POLN: variants seen among roughly 807,000 people sequenced by gnomAD.
POLN encodes DNA polymerase nu, also known as DNA polymerase N.
Under a neutral mutation model 113.5 loss-of-function variants are expected in POLN, and 108 were observed. The observed-to-expected ratio is 0.95, with a 90% CI of 0.81 to 1.12. The LOEUF (loss-of-function observed/expected upper bound fraction) is 1.12. POLN is among the 50% of genes most tolerant of loss of function. The pLI, the probability that POLN is intolerant of heterozygous loss-of-function variation, is 0.00. For synonymous variants in POLN, 386 were observed against 391.5 expected (o/e 0.99, Z 0.17); for missense variants, 1,097 against 1,077.1 (o/e 1.02, Z -0.26).
At chr4:2,180,153 TTCTTCA>T (rs1323430618) in intron 7 of POLN, among the ~76,000 whole-genome samples, 2 of 152,234 alleles carry the variant, frequency 1.3e-5, no homozygotes, top group African/African-American at 2.4e-5. Flanking sequence ...CAGTGTTAGT[TTCTTCA>T]TCCAAAAACT....
intron 2 of POLN, among the ~76,000 whole-genome samples, chr4:2,233,881 T>C (rs898325113): frequency 1.3e-5 from 2 of 151,932 alleles, no homozygotes; most frequent in African/African-American, 4.8e-5. Context: ...GGTAGCATTA[T>C]AAACTCCTTT....
intron 16 of POLN, 136 bp downstream of exon 16, chr4:2,156,652 G>T (rs1483131923): frequency 2.2e-5 from 16 of 729,730 alleles, no homozygotes; most frequent in Non-Finnish European, 2.5e-6. Context: ...AGAATAAACA[G>T]AATAAAACAC....
chr4:2,176,125 T>C, intron 9 of POLN, 141 bp downstream of exon 9: 1 of 702,190 alleles, frequency 1.4e-6, no homozygotes. Context: ...AACCCTTTTC[T>C]GAGTAATGCA....
At chr4:2,155,238 G>A (rs778225613) in intron 16 of POLN, among the ~76,000 whole-genome samples, 1 of 152,234 alleles carries the variant, frequency 6.6e-6, no homozygotes, top group Non-Finnish European at 1.5e-5. Flanking sequence ...CCTGCATTCA[G>A]AGGAGATGGC....
chr4:2,223,173 G>A (rs1734302486), intron 3 of POLN, among the ~76,000 whole-genome samples: 1 of 152,154 alleles, frequency 6.6e-6, no homozygotes, highest in Admixed American at 6.6e-5. Context: ...CATAATTACA[G>A]TCATGCAGGG....
chr4:2,078,460 G>A, intron 23 of POLN: 1 of 656,064 alleles, frequency 1.5e-6, no homozygotes, highest in Non-Finnish European at 1.9e-6. Flanking sequence ...GTGGCCAGAT[G>A]AATCTTCTTC....
intron 20 of POLN, chr4:2,089,497 T>C (rs942882485): frequency 7.2e-7 from 1 of 1,386,398 alleles, no homozygotes; most frequent in South Asian, 1.3e-5. Flanking sequence ...GGATGGACTT[T>C]CACACTGGGA....
chr4:2,229,146 TGCATA>T lies in POLN; in HGVS notation c.81_85del (p.Met28PhefsTer3). ...CTTAGAATCCACTAAATCACCTGAA[TGCATA>T]GCAGACATAATCTTCTGAGCAACAC... On this transcript the variant is annotated frameshift_variant, in exon 3 of 26. Coordinates refer to ENST00000511885, the MANE Select transcript of POLN (RefSeq NM_181808.4). LOFTEE classifies it high-confidence loss of function. The T allele has an allele frequency of 6.2e-6, 10 of 1,611,262 alleles. No individual in the cohort carries two copies. Among genetic ancestry groups the T allele is most frequent in the Non-Finnish European group, 8.5e-6 (10 of 1,177,450 alleles).
chr4:2,148,658 C>T (rs1470995649), intron 16 of POLN, among the ~76,000 whole-genome samples: 4 of 87,484 alleles, frequency 4.6e-5, no homozygotes, highest in Non-Finnish European at 1.1e-4. Context: ...CAGAGCGAGA[C>T]TCTGTCCCCC....
intron 19 of POLN, among the ~76,000 whole-genome samples, chr4:2,113,730 T>C (rs933995828): frequency 1.3e-5 from 2 of 151,766 alleles, no homozygotes; most frequent in Non-Finnish European, 2.9e-5. Flanking sequence ...TGGTGGTACA[T>C]GCCTGTAATC....
intron 4 of POLN, among the ~76,000 whole-genome samples, chr4:2,211,938 C>T (rs1734002675): frequency 6.6e-6 from 1 of 152,124 alleles, no homozygotes; most frequent in Non-Finnish European, 1.5e-5. Flanking sequence ...AATTTCCATT[C>T]ATTTACAGAG....
intron 11 of POLN, among the ~76,000 whole-genome samples, chr4:2,172,300 T>A (rs921116840): frequency 1.4e-4 from 21 of 152,158 alleles, no homozygotes; most frequent in African/African-American, 5.1e-4. Flanking sequence ...GACCACAACA[T>A]CCTGGAAAAC....
chr4:2,105,353 T>G (rs1182164267), intron 19 of POLN, among the ~76,000 whole-genome samples: 2 of 152,100 alleles, frequency 1.3e-5, no homozygotes, highest in Non-Finnish European at 2.9e-5. Context: ...CTACAACCCA[T>G]TCTCTGCTCA....
chr4:2,130,409 C>T (rs902134333), intron 17 of POLN, among the ~76,000 whole-genome samples: 4 of 152,150 alleles, frequency 2.6e-5, no homozygotes, highest in Admixed American at 1.3e-4. Context: ...GGGGCAGGAG[C>T]GCCACTGCCA....
chr4:2,224,398 G>A (rs968366518), intron 3 of POLN, among the ~76,000 whole-genome samples: 3 of 152,076 alleles, frequency 2.0e-5, no homozygotes, highest in African/African-American at 7.2e-5. Context: ...TCATAAGAAG[G>A]AGTATACCCT....
intron 23 of POLN, 120 bp downstream of exon 23, chr4:2,080,838 G>A: frequency 1.3e-6 from 2 of 1,575,934 alleles, no homozygotes; most frequent in South Asian, 1.2e-5. Context: ...GAGAGCCTCA[G>A]GAGGGGACGG....
intron 13 of POLN, among the ~76,000 whole-genome samples, chr4:2,168,796 A>T (rs192865164): frequency 1.8e-4 from 27 of 152,330 alleles, no homozygotes; most frequent in Admixed American, 3.9e-4. Flanking sequence ...GAACCATCTT[A>T]TATGACCCAG....
At chr4:2,185,409 C>G (rs1733245479) in intron 7 of POLN, among the ~76,000 whole-genome samples, 1 of 152,172 alleles carries the variant, frequency 6.6e-6, no homozygotes, top group South Asian at 2.1e-4. Context: ...GAGTGTAAGA[C>G]AGAGGAAGGG....
intron 6 of POLN, among the ~76,000 whole-genome samples, chr4:2,194,120 T>TGA (rs1733519950): frequency 1.3e-5 from 2 of 152,180 alleles, no homozygotes; most frequent in African/African-American, 4.8e-5. Context: ...ACTAGAACCA[T>TGA]TTTACAGATG....
Sources: allele counts gnomAD v4.1 joint callset (sites outside exome capture counted in the v4.1 genomes callset), GRCh38; gene constraint gnomAD v4.1.1; transcripts MANE v1.5; gene names NCBI Gene and HGNC (gene_info 2026-07-23, HGNC 2026-07-21).